Variants in FAM53C observed in about 807,000 individuals in gnomAD.
The protein encoded by FAM53C is family with sequence similarity 53 member C.
In FAM53C, 10 loss-of-function variants were observed where a neutral mutation model predicts 34.7. That is an observed-to-expected ratio of 0.29 (90% confidence interval 0.18 to 0.49). The LOEUF (loss-of-function observed/expected upper bound fraction) is 0.49, where lower values mean the gene tolerates loss of function less well. Among genes scored for constraint, FAM53C ranks in the 20% least tolerant of loss-of-function variants. The pLI is 0.99. For synonymous variants in FAM53C, 203 were observed against 203.6 expected (o/e 1.00, Z 0.03); for missense variants, 442 against 515.3 (o/e 0.86, Z 1.38).
Position 138,346,973 on chromosome 5 carries a change from C to T in FAM53C, c.*14C>T. 1.2e-6 allele frequency: 2 copies of T among 1,613,846 alleles called. No individual in the cohort carries two copies. Among genetic ancestry groups the T allele is most frequent in the Non-Finnish European group, 1.7e-6 (2 of 1,179,974 alleles). ...GAGGAAAACTAAAACTGAGAGGCTA[C>T]TTCCTGGGGCCACACAGACTGACTC... On this transcript the variant is annotated 3_prime_UTR_variant, in exon 5 of 5. Transcript: ENST00000239906.
chr5:138,338,359 C>A (rs56101637), intron 1 of FAM53C, 52 bp downstream of exon 1: 54 of 417,346 alleles, frequency 1.3e-4, no homozygotes, highest in African/African-American at 1.1e-3. Flanking sequence ...GCACCTCAAC[C>A]GTCCCTCCCT....
In FAM53C at chr5:138,349,661, G is replaced by A. The variant is rs2126894354; in HGVS notation, c.*2702G>A. 1 of 152,450 alleles carries A rather than the reference G, an allele frequency of 6.6e-6. No individual in the cohort carries two copies. The highest frequency in any genetic ancestry group is 6.5e-5 in the Admixed American group (1 of 15,306). 9.4% of individuals were successfully genotyped at this position (152,450 alleles called of 1,614,324 possible). A position where few individuals can be genotyped will look rare whatever the true frequency, so the allele number is the denominator to read the frequency against. On this transcript the variant is annotated 3_prime_UTR_variant, in exon 5 of 5. Coordinates refer to ENST00000239906, the MANE Select transcript of FAM53C (RefSeq NM_016605.3). ...CCATAAGTCTGTGTGTGTTAAACATGAGGTTCTGCCTCTGTGGCTGTGTTT... is the reference window on the plus strand; with the variant it reads ...CCATAAGTCTGTGTGTGTTAAACATAAGGTTCTGCCTCTGTGGCTGTGTTT...
At chr5:138,338,491 C>G (rs564489342) in intron 1 of FAM53C, 184 bp downstream of exon 1, 315 of 293,348 alleles carry the variant, frequency 1.1e-3, no homozygotes, top group African/African-American at 7.1e-3. Flanking sequence ...GTCCCAGACC[C>G]TCCCCATCCC....
At chr5:138,339,930 C>T (rs1760981864) in intron 1 of FAM53C, among the ~76,000 whole-genome samples, 2 of 152,070 alleles carry the variant, frequency 1.3e-5, no homozygotes, top group African/African-American at 4.8e-5. Flanking sequence ...GTGATCTGCC[C>T]CCAAGGTCAC....
In FAM53C at chr5:138,341,588, C is replaced by T. The variant is rs2286059; in HGVS notation, c.78+175C>T. On this transcript the variant is annotated intron_variant, in intron 2 of 4. Coordinates refer to ENST00000239906, the MANE Select transcript of FAM53C (RefSeq NM_016605.3). Reference sequence around the variant, plus strand: ...AGGAAGGGGGCAGGGATTTTTCCACCGATAGAGAAGGGACAGCAAAACTTG... The same window carrying T: ...AGGAAGGGGGCAGGGATTTTTCCACTGATAGAGAAGGGACAGCAAAACTTG... 9.6e-5 allele frequency: 73 copies of T among 757,052 alleles called. No individual in the cohort carries two copies. In the East Asian group the frequency reaches 1.7e-3, roughly 18 times the overall value. The allele number at this position is 757,052 out of a possible 1,614,324, so 46.9% of individuals were successfully genotyped here.
chr5:138,338,372 T>A, intron 1 of FAM53C, 65 bp downstream of exon 1: 1 of 390,692 alleles, frequency 2.6e-6, no homozygotes, highest in East Asian at 8.2e-5. Flanking sequence ...CCCTCCCTCC[T>A]TCCCTCTTTC....
intron 2 of FAM53C, 70 bp downstream of exon 2, chr5:138,341,483 A>G (rs994994979): frequency 7.5e-6 from 10 of 1,333,616 alleles, no homozygotes; most frequent in East Asian, 2.3e-5. Flanking sequence ...TGTTGCTATT[A>G]CTTTACTCTT....
rs748680387 is a variant in FAM53C at position 138,346,995 on chromosome 5, ACTCT to A, written c.*40_*43del. 16 of 1,611,988 alleles carry A rather than the reference ACTCT, an allele frequency of 9.9e-6. No individual in the cohort carries two copies. In the East Asian group the frequency reaches 3.1e-4, roughly 31 times the overall value. On this transcript the variant is annotated 3_prime_UTR_variant, in exon 5 of 5. Coordinates refer to ENST00000239906, the MANE Select transcript of FAM53C (RefSeq NM_016605.3). ...CTACTTCCTGGGGCCACACAGACTG[ACTCT>A]CTCATGGCTACTAACAAGTGTCGAG...
At chr5:138,344,190 A>C (rs1761106435) in intron 3 of FAM53C, among the ~76,000 whole-genome samples, 1 of 152,220 alleles carries the variant, frequency 6.6e-6, no homozygotes, top group Non-Finnish European at 1.5e-5. Context: ...GGCCAGACAG[A>C]AACGAAGATG....
chr5:138,341,905 A>G (rs754362598), intron 3 of FAM53C, 39 bp downstream of exon 3: 3 of 1,595,610 alleles, frequency 1.9e-6, no homozygotes, highest in Admixed American at 1.7e-5. Flanking sequence ...GTGTGTACCC[A>G]TTCCTCTCTC....
chr5:138,343,519 A>T (rs1324477312), intron 3 of FAM53C, among the ~76,000 whole-genome samples: 2 of 152,108 alleles, frequency 1.3e-5, no homozygotes, highest in Non-Finnish European at 2.9e-5. Flanking sequence ...TCAAAAAAAA[A>T]AAAAAGAAAG....
rs940698155 is a variant in FAM53C, at chr5:138,342,180, C to A, written c.136+314C>A. ...AAAGTCTCTCTTACTCTCCCGTTCC[C>A]TATCTACCCAGCTTCTACCACCTCC... On this transcript the variant is annotated intron_variant, in intron 3 of 4. Coordinates refer to ENST00000239906, the MANE Select transcript of FAM53C (RefSeq NM_016605.3). The A allele has an allele frequency of 3.4e-4, 113 of 328,508 alleles. 2 individuals are homozygous for A. The highest frequency in any genetic ancestry group is 4.2e-5 in the African/African-American group (2 of 47,490). 20.3% of individuals were successfully genotyped at this position (328,508 alleles called of 1,614,324 possible). A position where few individuals can be genotyped will look rare whatever the true frequency, so the allele number is the denominator to read the frequency against.
rs1300953297 is a variant in FAM53C, at chr5:138,345,922, A to C, written c.921+313A>C. ...TACTTTCCCTCCTTTCCAAGAATGCACAAGCTGCAAAAAATTCCATCAGTA... is the reference window on the plus strand; with the variant it reads ...TACTTTCCCTCCTTTCCAAGAATGCCCAAGCTGCAAAAAATTCCATCAGTA... On this transcript the variant is annotated intron_variant, in intron 4 of 4. Transcript: ENST00000239906. The surrounding 1 kb of genome is among the most constrained non-coding windows in gnomAD (Gnocchi z 6.3). 6.6e-6 allele frequency among the ~76,000 whole-genome samples: 1 copy of C among 152,190 alleles called. No homozygotes were observed. Among genetic ancestry groups the C allele is most frequent in the East Asian group, 1.9e-4 (1 of 5,190 alleles).
intron 1 of FAM53C, 29 bp downstream of exon 1, chr5:138,338,336 G>A (rs1455071454): frequency 2.2e-6 from 1 of 453,882 alleles, no homozygotes; most frequent in Non-Finnish European, 4.2e-6. Context: ...GTGGCGCTGG[G>A]GCCTCGGGGC....
rs538345663 is a variant in FAM53C at position 138,348,740 on chromosome 5, C to G, written c.*1781C>G. ...GCTAGTTACCACTAGGCTACCAGGT[C>G]TCTAGGGGCCTGAGAGAGGCCCTCT... On this transcript the variant is annotated 3_prime_UTR_variant, in exon 5 of 5. Coordinates refer to ENST00000239906, the MANE Select transcript of FAM53C (RefSeq NM_016605.3). 6.6e-6 allele frequency: 1 copy of G among 152,250 alleles called. No individual in the cohort carries two copies. Among genetic ancestry groups the G allele is most frequent in the Non-Finnish European group, 1.5e-5 (1 of 68,042 alleles). The allele number at this position is 152,250 out of a possible 1,614,324, so 9.4% of individuals were successfully genotyped here. A position where few individuals can be genotyped will look rare whatever the true frequency, so the allele number is the denominator to read the frequency against.
In FAM53C at chr5:138,343,297, G is replaced by A. The variant is rs559180199; in HGVS notation, c.136+1431G>A. On this transcript the variant is annotated intron_variant, in intron 3 of 4. Coordinates refer to ENST00000239906, the MANE Select transcript of FAM53C (RefSeq NM_016605.3). ...GGCCGAGGTGGGCAGATAGCATGAA[G>A]CCAGGAGTTCGAGACCAGCCTGGCC... Among the ~76,000 whole-genome samples, 12 of 152,040 alleles carry A rather than the reference G, an allele frequency of 7.9e-5. No homozygotes were observed. The South Asian group carries it at 2.5e-3, about 32-fold the overall frequency.
intron 4 of FAM53C, among the ~76,000 whole-genome samples, chr5:138,346,445 G>A (rs1313114206): frequency 6.6e-6 from 1 of 152,206 alleles, no homozygotes; most frequent in Non-Finnish European, 1.5e-5. Context: ...CTAACACGGT[G>A]AAACCTCGTC....
At chr5:138,346,080 G>A (rs1445814275) in intron 4 of FAM53C, among the ~76,000 whole-genome samples, 1 of 152,198 alleles carries the variant, frequency 6.6e-6, no homozygotes, top group East Asian at 1.9e-4. Flanking sequence ...ACTTCCTGGT[G>A]TGAGTACAAT....
chr5:138,339,274 C>A (rs1760946738), intron 1 of FAM53C, among the ~76,000 whole-genome samples: 1 of 152,132 alleles, frequency 6.6e-6, no homozygotes, highest in Admixed American at 6.6e-5. Flanking sequence ...GGAGGCCCCT[C>A]GCGGAGCTGG....
Sources: allele counts gnomAD v4.1 joint callset (sites outside exome capture counted in the v4.1 genomes callset), GRCh38; gene constraint gnomAD v4.1.1; non-coding constraint Gnocchi (gnomAD v3.1); transcripts MANE v1.5; gene names NCBI Gene and HGNC (gene_info 2026-07-23, HGNC 2026-07-21).